The following PDE8A variants were observed in gnomAD, a reference collection of about 807,000 sequenced individuals.
PDE8A encodes the protein phosphodiesterase 8A, also known as high affinity cAMP-specific and IBMX-insensitive 3',5'-cyclic phosphodiesterase 8A.
Under a neutral mutation model 105.0 loss-of-function variants are expected in PDE8A, and 59 were observed. The ratio of observed to expected loss-of-function variants is 0.56; its 90% CI spans 0.46 to 0.70. The LOEUF is 0.70. Ranked by LOEUF, PDE8A falls within the 30% of genes least tolerant of loss-of-function variation. The pLI is 0.00. For missense variants in PDE8A, 1,014 were observed against 1,045.9 expected (o/e 0.97, Z 0.42); for synonymous variants, 355 against 371.9 (o/e 0.95, Z 0.52).
chr15:84,996,808 A>T (rs2079984597), intron 1 of PDE8A, among the ~76,000 whole-genome samples: 1 of 132,394 alleles, frequency 7.6e-6, no homozygotes, highest in African/African-American at 2.8e-5. Flanking sequence ...CCTGGACAAC[A>T]GAGCAAGACT....
rs184624925 is a variant in PDE8A, at chr15:85,132,679, A to G, written c.2254-3855A>G. ...TGAGGTTTCGCCAGGCTGGTCTCAA[A>G]CTCTTGACCTCAGGTGATCCACCCA... On this transcript the variant is annotated intron_variant, in intron 20 of 21. Transcript: ENST00000394553. 9.6e-4 allele frequency among the ~76,000 whole-genome samples: 146 copies of G among 151,992 alleles called. 1 individual carries two copies. The highest frequency in any genetic ancestry group is 3.4e-3 in the African/African-American group (141 of 41,438).
At chr15:85,130,210 G>A (rs1295534413) in intron 20 of PDE8A, among the ~76,000 whole-genome samples, 7 of 152,148 alleles carry the variant, frequency 4.6e-5, no homozygotes, top group South Asian at 4.2e-4. Flanking sequence ...ATTACCATGG[G>A]GAGGCCACTA....
At chr15:85,036,147 G>A (rs1182335187) in intron 1 of PDE8A, among the ~76,000 whole-genome samples, 1 of 152,162 alleles carries the variant, frequency 6.6e-6, no homozygotes, top group Non-Finnish European at 1.5e-5. Flanking sequence ...CTTCCTCATG[G>A]TCCACTCCTC....
At chr15:84,985,380 T>C (rs970181803) in intron 1 of PDE8A, among the ~76,000 whole-genome samples, 4 of 152,220 alleles carry the variant, frequency 2.6e-5, no homozygotes, top group African/African-American at 9.6e-5. Context: ...TTACAGATAA[T>C]GAATGCTGTG....
At chr15:84,990,762 G>T (rs930187529) in intron 1 of PDE8A, among the ~76,000 whole-genome samples, 4 of 152,170 alleles carry the variant, frequency 2.6e-5, no homozygotes, top group African/African-American at 9.7e-5. Context: ...GAAATTGCTG[G>T]GTCATAGGAT....
chr15:85,031,862 T>C (rs1023156575), intron 1 of PDE8A, among the ~76,000 whole-genome samples: 1 of 152,184 alleles, frequency 6.6e-6, no homozygotes, highest in Non-Finnish European at 1.5e-5. Context: ...GACTGCTTAT[T>C]GCTGAATCCA....
At chr15:85,135,346 C>A (rs2082392078) in intron 20 of PDE8A, among the ~76,000 whole-genome samples, 1 of 152,146 alleles carries the variant, frequency 6.6e-6, no homozygotes, top group Non-Finnish European at 1.5e-5. Context: ...TGGCCCAACA[C>A]CTCCTCAGGC....
chr15:85,046,549 G>A (rs1350400290), intron 1 of PDE8A, among the ~76,000 whole-genome samples: 3 of 152,102 alleles, frequency 2.0e-5, no homozygotes, highest in Non-Finnish European at 2.9e-5. Context: ...CACTGTTTTG[G>A]GTGTTGGGAA....
rs142094947 is a variant in PDE8A at position 85,103,571 on chromosome 15, A to G, written c.1036+3373A>G. Among the ~76,000 whole-genome samples the G allele has an allele frequency of 3.9e-5, 6 of 152,240 alleles. No homozygotes were observed. The East Asian group carries it at 5.8e-4, about 15-fold the overall frequency. On this transcript the variant is annotated intron_variant, in intron 11 of 21. Transcript: ENST00000394553. ...CCTTGGTTATACACAACAGAAATCAATTCTTCAGCAGAAAAGGAGTTTTTT... is the reference window on the plus strand; with the variant it reads ...CCTTGGTTATACACAACAGAAATCAGTTCTTCAGCAGAAAAGGAGTTTTTT...
chr15:85,007,431 T>A (rs1057360621), intron 1 of PDE8A, among the ~76,000 whole-genome samples: 2 of 150,374 alleles, frequency 1.3e-5, no homozygotes, highest in Non-Finnish European at 3.0e-5. Context: ...ATGCCGGTAA[T>A]GTTGCTTCTT....
intron 1 of PDE8A, among the ~76,000 whole-genome samples, chr15:84,992,840 T>C (rs2079907571): frequency 6.6e-6 from 1 of 152,186 alleles, no homozygotes; most frequent in African/African-American, 2.4e-5. Flanking sequence ...AATGCTATTT[T>C]TGTACCTCAT....
chr15:85,111,003 C>G (rs937058986), intron 12 of PDE8A, among the ~76,000 whole-genome samples: 1 of 152,106 alleles, frequency 6.6e-6, no homozygotes, highest in Non-Finnish European at 1.5e-5. Context: ...AGTTGAGCAC[C>G]TTTTTATTGG....
chr15:85,123,324 A>T, intron 19 of PDE8A, 131 bp downstream of exon 19: 4 of 671,154 alleles, frequency 6.0e-6, no homozygotes, highest in South Asian at 1.7e-5. Flanking sequence ...TTACAGGGAC[A>T]GAACTAATGG....
chr15:84,982,422 C>T (rs919610432), intron 1 of PDE8A, 74 bp downstream of exon 1: 7 of 1,010,664 alleles, frequency 6.9e-6, no homozygotes, highest in African/African-American at 5.1e-5. Flanking sequence ...CCGCAGGGGC[C>T]GGGCGGGGTC....
chr15:84,981,075 G>T (rs979952764), upstream of PDE8A, among the ~76,000 whole-genome samples: 3 of 152,236 alleles, frequency 2.0e-5, no homozygotes, highest in Non-Finnish European at 4.4e-5. Context: ...AACAGCTCCA[G>T]GGCTCACACT....
intron 13 of PDE8A, 60 bp from the exon 14 acceptor site, chr15:85,113,813 C>A: frequency 7.6e-7 from 1 of 1,318,400 alleles, no homozygotes; most frequent in Non-Finnish European, 1.1e-6. Flanking sequence ...TACTGCCATG[C>A]CTGGCTCTCC....
In PDE8A at chr15:85,126,225, G is replaced by A; in HGVS notation, c.2104G>A (p.Glu702Lys). The change falls in exon 20 of 22, where the codon GAA becomes AAA. Residue 702 changes from glutamate (E) to lysine (K), a missense_variant. Coordinates refer to ENST00000394553, the MANE Select transcript of PDE8A (RefSeq NM_002605.3). ...EENGETDKNQ[E>K]VINTMLRTPE... ...GTTTCAGGAAACTGATAAAAACCAG[G>A]AAGTGATAAACACTATGCTTAGGAC... 1 of 1,602,898 alleles carries A rather than the reference G, an allele frequency of 6.2e-7. No individual in the cohort carries two copies. The highest frequency in any genetic ancestry group is 8.5e-7 in the Non-Finnish European group (1 of 1,175,212).
intron 1 of PDE8A, among the ~76,000 whole-genome samples, chr15:85,059,573 GTCC>G (rs1170899878): frequency 6.6e-6 from 1 of 152,134 alleles, no homozygotes; most frequent in East Asian, 1.9e-4. Context: ...AACATATAGT[GTCC>G]TCCTTTGTCT....
At chr15:84,996,909 T>C (rs1254651235) in intron 1 of PDE8A, among the ~76,000 whole-genome samples, 1 of 150,074 alleles carries the variant, frequency 6.7e-6, no homozygotes, top group African/African-American at 2.4e-5. Context: ...TGGAAGCTGC[T>C]GAGTGAGTCA....
Sources: allele counts gnomAD v4.1 joint callset (sites outside exome capture counted in the v4.1 genomes callset), GRCh38; gene constraint gnomAD v4.1.1; transcripts MANE v1.5; gene names NCBI Gene and HGNC (gene_info 2026-07-23, HGNC 2026-07-21).